TRHR: variants seen among roughly 807,000 people sequenced by gnomAD.
TRHR encodes thyrotropin-releasing hormone receptor.
A neutral mutation model predicts 28.0 loss-of-function variants in TRHR; 14 were observed. That is an observed-to-expected ratio of 0.50 (90% CI 0.33 to 0.78). The LOEUF (loss-of-function observed/expected upper bound fraction) is 0.78. TRHR is among the 30% of genes least tolerant of loss of function. The probability of loss-of-function intolerance (pLI) is 0.02; values close to 1 mark genes in which losing one functional copy is unlikely to be tolerated. For synonymous variants in TRHR, 176 were observed against 171.9 expected (o/e 1.02, Z -0.18); for missense variants, 438 against 469.5 (o/e 0.93, Z 0.62).
chr8:109,112,249 C>A (rs1329910164), intron 2 of TRHR, among the ~76,000 whole-genome samples: 2 of 152,124 alleles, frequency 1.3e-5, no homozygotes. Flanking sequence ...AGAACCTTTT[C>A]TGAATCATAT....
chr8:109,116,991 G>A (rs1025413356), intron 2 of TRHR, among the ~76,000 whole-genome samples: 11 of 151,986 alleles, frequency 7.2e-5, no homozygotes, highest in Non-Finnish European at 1.0e-4. Flanking sequence ...CACAGTGAAA[G>A]TTGCTCCCTT....
intron 2 of TRHR, 112 bp from the exon 3 acceptor site, chr8:109,118,936 C>G (rs1811959575): frequency 2.2e-6 from 3 of 1,349,712 alleles, no homozygotes; most frequent in African/African-American, 2.9e-5. Flanking sequence ...CTGCACCTAA[C>G]TCCTTGTCTC....
chr8:109,088,235 G>C lies in TRHR; in HGVS notation c.723G>C (p.Gln241His). The part of the protein sequence containing the change: ...SKTWKNDSTH[Q>H]NTNLNVNTSN... ...CATGGAAAAATGATTCAACCCATCAGAACACAAATCTGAATGTAAATACCT... is the reference window on the plus strand; with the variant it reads ...CATGGAAAAATGATTCAACCCATCACAACACAAATCTGAATGTAAATACCT... Residue 241 changes from glutamine (Q) to histidine (H), a missense_variant, in exon 2 of 3, where the codon CAG becomes CAC. Physicochemically the swap from Gln to His is conservative, Grantham distance 24. Transcript: ENST00000518632. 1 of 1,613,994 alleles carries C rather than the reference G, an allele frequency of 6.2e-7. No homozygotes were observed. The highest frequency in any genetic ancestry group is 8.5e-7 in the Non-Finnish European group (1 of 1,179,992).
Position 109,113,187 on chromosome 8 carries a change from C to T in TRHR, c.790-5861C>T, listed in dbSNP as rs141279888. ...CATTATTCTAGAACAGTTTCCCTAA[C>T]TGTCCTCTTCCAGTAAAATTCTCAA... On this transcript the variant is annotated intron_variant, in intron 2 of 2. Transcript: ENST00000518632. 3.3e-5 allele frequency among the ~76,000 whole-genome samples: 5 copies of T among 152,268 alleles called. No homozygotes were observed. The East Asian group carries it at 9.7e-4, about 29-fold the overall frequency.
At chr8:109,099,811 A>G (rs1811649289) in intron 2 of TRHR, among the ~76,000 whole-genome samples, 1 of 152,234 alleles carries the variant, frequency 6.6e-6, no homozygotes, top group Admixed American at 6.5e-5. Context: ...ATATAATTAT[A>G]TAGTAGCTGC....
Position 109,087,777 on chromosome 8 carries a change from G to A in TRHR, c.265G>A (p.Gly89Ser), listed in dbSNP as rs368688599. The A allele has an allele frequency of 5.0e-6, 8 of 1,614,116 alleles. No homozygotes were observed. The highest frequency in any genetic ancestry group is 2.2e-5 in the South Asian group (2 of 91,082). ...CCCCAACATAACAGACAGTATCTAC[G>A]GTTCCTGGGTCTATGGCTATGTTGG... ...GLPNITDSIY[G>S]SWVYGYVGCL... is the part of the protein sequence containing the mutation. The change falls in exon 2 of 3, where the codon GGT becomes AGT. Residue 89 changes from glycine (G) to serine (S), a missense_variant. Transcript: ENST00000518632.
At chr8:109,096,776 T>C (rs562241864) in intron 2 of TRHR, among the ~76,000 whole-genome samples, 2 of 152,258 alleles carry the variant, frequency 1.3e-5, no homozygotes, top group African/African-American at 4.8e-5. Flanking sequence ...TATGTATATA[T>C]ACAAATATAT....
intron 2 of TRHR, among the ~76,000 whole-genome samples, chr8:109,110,841 T>C (rs999019104): frequency 6.6e-6 from 1 of 152,144 alleles, no homozygotes; most frequent in Admixed American, 6.5e-5. Context: ...GCACCCCACA[T>C]TGATTATAAC....
intron 2 of TRHR, among the ~76,000 whole-genome samples, chr8:109,090,531 C>A (rs1811502552): frequency 1.3e-5 from 2 of 152,140 alleles, no homozygotes; most frequent in South Asian, 4.1e-4. Flanking sequence ...ACCAATAACA[C>A]CCTAATTGAG....
At chr8:109,094,830 T>C (rs1174891149) in intron 2 of TRHR, among the ~76,000 whole-genome samples, 1 of 152,010 alleles carries the variant, frequency 6.6e-6, no homozygotes, top group Non-Finnish European at 1.5e-5. Context: ...TATGCTCCTA[T>C]AGAATTCAAT....
intron 2 of TRHR, among the ~76,000 whole-genome samples, chr8:109,090,642 G>C (rs1811504258): frequency 6.6e-6 from 1 of 152,182 alleles, no homozygotes; most frequent in African/African-American, 2.4e-5. Context: ...AGAAAAGAAG[G>C]AAAATTACTG....
chr8:109,114,283 C>A (rs1186546820), intron 2 of TRHR, among the ~76,000 whole-genome samples: 1 of 152,070 alleles, frequency 6.6e-6, no homozygotes, highest in Non-Finnish European at 1.5e-5. Flanking sequence ...TGCCTGCAAG[C>A]TCGCTCTCTA....
At chr8:109,093,400 CTTTTTTT>C (rs34645119) in intron 2 of TRHR, among the ~76,000 whole-genome samples, 28 of 77,394 alleles carry the variant, frequency 3.6e-4, no homozygotes, top group Non-Finnish European at 4.5e-4. Context: ...GTGCTATTTA[CTTTTTTT>C]TTTTTTTTTT....
chr8:109,106,987 G>T (rs138820157), intron 2 of TRHR, among the ~76,000 whole-genome samples: 4 of 152,266 alleles, frequency 2.6e-5, no homozygotes, highest in Non-Finnish European at 5.9e-5. Flanking sequence ...TAGCACAAAT[G>T]AATAGACAGG....
intron 2 of TRHR, among the ~76,000 whole-genome samples, chr8:109,091,509 A>G (rs2129871811): frequency 6.6e-6 from 1 of 152,282 alleles, no homozygotes; most frequent in Non-Finnish European, 1.5e-5. Context: ...TCTTTTAGGA[A>G]AGTTTAACTT....
chr8:109,091,428 C>A (rs1169482779), intron 2 of TRHR, among the ~76,000 whole-genome samples: 1 of 152,068 alleles, frequency 6.6e-6, no homozygotes. Context: ...TTTCTTAAAC[C>A]TTTGAAAGGT....
At chr8:109,117,300 A>G (rs1328382367) in intron 2 of TRHR, among the ~76,000 whole-genome samples, 1 of 151,978 alleles carries the variant, frequency 6.6e-6, no homozygotes, top group Non-Finnish European at 1.5e-5. Context: ...TCTGTCACTT[A>G]CTACTCATGT....
At chr8:109,106,987 G>A (rs138820157) in intron 2 of TRHR, among the ~76,000 whole-genome samples, 2 of 152,148 alleles carry the variant, frequency 1.3e-5, no homozygotes, top group Admixed American at 1.3e-4. Flanking sequence ...TAGCACAAAT[G>A]AATAGACAGG....
chr8:109,115,693 C>A lies in TRHR; in HGVS notation c.790-3355C>A, dbSNP rs374739085. On this transcript the variant is annotated intron_variant, in intron 2 of 2. Coordinates refer to ENST00000518632, the MANE Select transcript of TRHR (RefSeq NM_003301.7). Reference sequence around the variant, plus strand: ...CTTTGCTGAAGTTGCTTATCAGCTTCAGGAGATTTTGGGCTGAGACGATGG... The same window carrying A: ...CTTTGCTGAAGTTGCTTATCAGCTTAAGGAGATTTTGGGCTGAGACGATGG... Among the ~76,000 whole-genome samples the A allele has an allele frequency of 2.9e-4, 44 of 151,432 alleles. No homozygotes were observed. The East Asian group carries it at 6.0e-3, about 21-fold the overall frequency.
Sources: allele counts gnomAD v4.1 joint callset (sites outside exome capture counted in the v4.1 genomes callset), GRCh38; gene constraint gnomAD v4.1.1; transcripts MANE v1.5; gene names NCBI Gene and HGNC (gene_info 2026-07-23, HGNC 2026-07-21).